TPH2: variants seen among roughly 807,000 people sequenced by gnomAD.
TPH2 encodes tryptophan 5-hydroxylase 2.
TPH2 carries 27 observed loss-of-function variants against 59.1 expected under a neutral mutation model. The observed-to-expected ratio is 0.46, with a 90% CI of 0.34 to 0.63. The LOEUF (loss-of-function observed/expected upper bound fraction) is 0.63. Ranked by LOEUF, TPH2 falls within the 30% of genes least tolerant of loss-of-function variation. TPH2 has a pLI of 0.01. For missense variants in TPH2, 523 were observed against 588.3 expected (o/e 0.89, Z 1.15); for synonymous variants, 220 against 210.5 (o/e 1.05, Z -0.39).
At chr12:71,998,275 A>C (rs567347842) in intron 8 of TPH2, among the ~76,000 whole-genome samples, 1 of 152,158 alleles carries the variant, frequency 6.6e-6, no homozygotes, top group African/African-American at 2.4e-5. Context: ...TCCCAATTCT[A>C]TAGGCTGCCC....
intron 9 of TPH2, among the ~76,000 whole-genome samples, chr12:72,023,176 G>A (rs1365586374): frequency 6.6e-6 from 1 of 151,982 alleles, no homozygotes; most frequent in Non-Finnish European, 1.5e-5. Context: ...TACCATGGGG[G>A]GATAGCAAGT....
At position 71,941,472 on chromosome 12, in the gene TPH2, TG is replaced by T. The variant is rs571323613; in HGVS notation, c.106-111del. On this transcript the variant is annotated intron_variant, in intron 1 of 10. Coordinates refer to ENST00000333850, the MANE Select transcript of TPH2 (RefSeq NM_173353.4). ...ACGGCAACTTCACCTTAAGTTTGTA[TG>T]ATTGGTGGAGCTTCCAGCTTATGAA... 156 of 1,341,282 alleles carry T rather than the reference TG, an allele frequency of 1.2e-4. No homozygotes were observed. In the African/African-American group the frequency reaches 1.5e-3, roughly 13 times the overall value. 83.1% of individuals were successfully genotyped at this position (1,341,282 alleles called of 1,614,324 possible). A position where few individuals can be genotyped will look rare whatever the true frequency, so the allele number is the denominator to read the frequency against.
chr12:71,987,460 G>A (rs1490999778), intron 7 of TPH2, among the ~76,000 whole-genome samples: 1 of 152,114 alleles, frequency 6.6e-6, no homozygotes, highest in Non-Finnish European at 1.5e-5. Flanking sequence ...AAGTATGATA[G>A]GCTTAGGTAT....
intron 8 of TPH2, among the ~76,000 whole-genome samples, chr12:72,005,698 T>A (rs1251722103): frequency 6.6e-6 from 1 of 152,200 alleles, no homozygotes; most frequent in Admixed American, 6.5e-5. Flanking sequence ...TAACTTTCAA[T>A]CAACTAAGTT....
At chr12:72,017,300 C>G (rs569971957) in intron 8 of TPH2, among the ~76,000 whole-genome samples, 17 of 152,308 alleles carry the variant, frequency 1.1e-4, no homozygotes, top group African/African-American at 3.6e-4. Flanking sequence ...AGCACACTCA[C>G]TGCAGCTCGG....
chr12:71,969,965 ACTTAAC>A (rs1015138661), intron 5 of TPH2, among the ~76,000 whole-genome samples: 2 of 152,238 alleles, frequency 1.3e-5, no homozygotes, highest in Non-Finnish European at 2.9e-5. Flanking sequence ...ATATAAAAAC[ACTTAAC>A]CTTAAACATA....
intron 9 of TPH2, among the ~76,000 whole-genome samples, chr12:72,027,956 G>A (rs572170353): frequency 6.6e-6 from 1 of 152,236 alleles, no homozygotes; most frequent in South Asian, 2.1e-4. Context: ...AGCCCAACAT[G>A]GGGTAGTTTC....
At chr12:71,956,330 A>G (rs899939943) in intron 5 of TPH2, among the ~76,000 whole-genome samples, 1 of 152,186 alleles carries the variant, frequency 6.6e-6, no homozygotes, top group Non-Finnish European at 1.5e-5. Context: ...ATGGGCATGA[A>G]TATCAGGAGT....
intron 8 of TPH2, among the ~76,000 whole-genome samples, chr12:72,012,817 G>T (rs1437037470): frequency 6.6e-6 from 1 of 151,744 alleles, no homozygotes; most frequent in Non-Finnish European, 1.5e-5. Flanking sequence ...TTTTTATTTT[G>T]GAAAATACCA....
intron 5 of TPH2, among the ~76,000 whole-genome samples, chr12:71,967,991 A>G (rs1044403875): frequency 1.6e-4 from 25 of 152,208 alleles, no homozygotes; most frequent in Non-Finnish European, 1.6e-4. Context: ...TGGTTCTGAG[A>G]CACTTTTCCT....
chr12:71,999,359 T>G (rs1480000141), intron 8 of TPH2, among the ~76,000 whole-genome samples: 1 of 152,234 alleles, frequency 6.6e-6, no homozygotes, highest in East Asian at 1.9e-4. Context: ...ATATTTCAAA[T>G]GCATTGTTAT....
In TPH2 at chr12:71,972,573, T is replaced by A. The variant is rs1425031032; in HGVS notation, c.663T>A (p.Gly221=). ...EYTEEETKTW[G]VVFRELSKLY... is the part of the protein sequence containing the mutation. ...CTGAAGAAGAAACTAAAACTTGGGG[T>A]GTTGTATTCCGGGAGCTCTCCAAAC... Residue 221 remains glycine (G), a synonymous_variant, in exon 6 of 11, where the codon GGT becomes GGA. Coordinates refer to ENST00000333850, the MANE Select transcript of TPH2 (RefSeq NM_173353.4). 1 of 1,613,976 alleles carries A rather than the reference T, an allele frequency of 6.2e-7. No individual in the cohort carries two copies. The highest frequency in any genetic ancestry group is 2.2e-5 in the East Asian group (1 of 44,860).
chr12:71,965,833 A>G (rs748783958), intron 5 of TPH2, among the ~76,000 whole-genome samples: 9 of 152,052 alleles, frequency 5.9e-5, no homozygotes, highest in Non-Finnish European at 1.3e-4. Context: ...CCACTTGCCA[A>G]TTTTTGCTTT....
At position 71,941,747 on chromosome 12, in the gene TPH2, A is replaced by G; in HGVS notation, c.255+14A>G. The G allele has an allele frequency of 6.2e-7, 1 of 1,612,894 alleles. No homozygotes were observed. The highest frequency in any genetic ancestry group is 1.1e-5 in the South Asian group (1 of 91,050). On this transcript the variant is annotated intron_variant, in intron 2 of 10. Transcript: ENST00000333850. Reference sequence around the variant, plus strand: ...AGGCTCTTTCAGGTGAATGTGAAATATCATTACATAATTTTAAAAGTGACC... The same window carrying G: ...AGGCTCTTTCAGGTGAATGTGAAATGTCATTACATAATTTTAAAAGTGACC...
intron 6 of TPH2, among the ~76,000 whole-genome samples, chr12:71,978,134 C>T (rs1872170589): frequency 2.0e-5 from 3 of 151,866 alleles, no homozygotes; most frequent in African/African-American, 7.3e-5. Context: ...AACAAAATCA[C>T]CTAACAATGC....
chr12:71,950,622 C>G (rs538960302), intron 5 of TPH2, among the ~76,000 whole-genome samples: 3 of 152,240 alleles, frequency 2.0e-5, no homozygotes, highest in Admixed American at 1.3e-4. Flanking sequence ...TGCTCTCTTT[C>G]CTCTGTCTGG....
chr12:71,941,570 C>A lies in TPH2; in HGVS notation c.106-14C>A. On this transcript the variant is annotated splice_polypyrimidine_tract_variant and intron_variant, in intron 1 of 10. Transcript: ENST00000333850. ...ACTAATATTTTGTTTTATTATGCTTCGACATTCCTGAAGCTAAATAAACCT... is the reference window on the plus strand; with the variant it reads ...ACTAATATTTTGTTTTATTATGCTTAGACATTCCTGAAGCTAAATAAACCT... 1 of 1,612,996 alleles carries A rather than the reference C, an allele frequency of 6.2e-7. No homozygotes were observed. Among genetic ancestry groups the A allele is most frequent in the Non-Finnish European group, 8.5e-7 (1 of 1,179,476 alleles).
At chr12:71,972,437 C>T in intron 5 of TPH2, 82 bp from the exon 6 acceptor site, 2 of 1,402,188 alleles carry the variant, frequency 1.4e-6, no homozygotes, top group Non-Finnish European at 1.0e-6. Flanking sequence ...CAGGGTCTGA[C>T]TTGTGATAGG....
chr12:71,942,116 G>A (rs1017373202), intron 2 of TPH2, among the ~76,000 whole-genome samples: 2 of 152,120 alleles, frequency 1.3e-5, no homozygotes, highest in Admixed American at 6.6e-5. Flanking sequence ...TGTCCTAGGA[G>A]CATGTTTATT....
Sources: allele counts gnomAD v4.1 joint callset (sites outside exome capture counted in the v4.1 genomes callset), GRCh38; gene constraint gnomAD v4.1.1; transcripts MANE v1.5; gene names NCBI Gene and HGNC (gene_info 2026-07-23, HGNC 2026-07-21).